The following MAGI1 variants were observed in gnomAD, a reference collection of about 807,000 sequenced individuals.
MAGI1 encodes membrane-associated guanylate kinase, WW and PDZ domain-containing protein 1.
MAGI1 carries 58 observed loss-of-function variants against 139.9 expected under a neutral mutation model. The ratio of observed to expected loss-of-function variants is 0.41; its 90% confidence interval spans 0.34 to 0.52. MAGI1 has a LOEUF of 0.52. MAGI1 is among the 20% of genes least tolerant of loss of function. MAGI1 has a pLI of 0.12. For synonymous variants in MAGI1, 812 were observed against 737.9 expected, an observed-to-expected ratio of 1.10 and a Z score of -1.63; for missense variants, 1,874 against 1,901.6, an observed-to-expected ratio of 0.99 and a Z score of 0.27.
At chr3:65,431,492 C>A (rs150530800) in intron 10 of MAGI1, among the ~76,000 whole-genome samples, 133 of 152,196 alleles carry the variant, frequency 8.7e-4, no homozygotes, top group African/African-American at 3.2e-3. Context: ...TTTATCTGAT[C>A]TTTTATTAAA....
At chr3:65,357,843 A>G (rs1940352823) in intron 22 of MAGI1, among the ~76,000 whole-genome samples, 1 of 152,174 alleles carries the variant, frequency 6.6e-6, no homozygotes. Context: ...CAAATGGGAT[A>G]TGTACGCAAG....
At chr3:65,407,435 A>C (rs1401868159) in intron 12 of MAGI1, among the ~76,000 whole-genome samples, 1 of 146,390 alleles carries the variant, frequency 6.8e-6, no homozygotes, top group Non-Finnish European at 1.5e-5. Context: ...CGACAGAGTG[A>C]GACTCCGTCT....
At chr3:65,912,173 T>C (rs935794634) in intron 1 of MAGI1, among the ~76,000 whole-genome samples, 1 of 150,100 alleles carries the variant, frequency 6.7e-6, no homozygotes. Flanking sequence ...TTGAAAGCTA[T>C]TTAAGTTTAA....
chr3:65,772,557 CA>C, intron 1 of MAGI1, among the ~76,000 whole-genome samples: 1 of 152,294 alleles, frequency 6.6e-6, no homozygotes, highest in Non-Finnish European at 1.5e-5. Context: ...TCCCTGGGAT[CA>C]GCAGCCATAA....
intron 1 of MAGI1, among the ~76,000 whole-genome samples, chr3:65,863,841 C>G (rs2059632829): frequency 2.6e-5 from 4 of 152,002 alleles, no homozygotes; most frequent in Admixed American, 2.6e-4. Context: ...CTTTTCCTAC[C>G]CCAATTCTAC....
intron 1 of MAGI1, among the ~76,000 whole-genome samples, chr3:65,691,316 GAAAAGA>G (rs1341498244): frequency 1.7e-5 from 2 of 116,276 alleles, no homozygotes; most frequent in Non-Finnish European, 3.8e-5. Context: ...AAAAAAAAAA[GAAAAGA>G]AAAAGAAAAA....
At chr3:65,635,507 T>C (rs752300792) in intron 1 of MAGI1, among the ~76,000 whole-genome samples, 9 of 152,180 alleles carry the variant, frequency 5.9e-5, no homozygotes, top group African/African-American at 1.4e-4. Context: ...GCCTACCATA[T>C]GAAGAAACCA....
chr3:65,897,093 C>T (rs1044450111), intron 1 of MAGI1, among the ~76,000 whole-genome samples: 1 of 152,066 alleles, frequency 6.6e-6, no homozygotes, highest in African/African-American at 2.4e-5. Context: ...TAATACAATA[C>T]AAATGTTATG....
chr3:65,454,580 A>T (rs1949268042), intron 5 of MAGI1, among the ~76,000 whole-genome samples: 1 of 148,834 alleles, frequency 6.7e-6, no homozygotes, highest in African/African-American at 2.5e-5. Flanking sequence ...TTTACAAAAA[A>T]AAAAGAAGTT....
At chr3:65,646,217 C>T (rs927186542) in intron 1 of MAGI1, among the ~76,000 whole-genome samples, 3 of 151,604 alleles carry the variant, frequency 2.0e-5, no homozygotes, top group African/African-American at 4.8e-5. Flanking sequence ...AAAAAATATG[C>T]AAACATTAAT....
chr3:65,617,700 CT>C (rs1234580839), intron 2 of MAGI1, among the ~76,000 whole-genome samples: 2 of 152,034 alleles, frequency 1.3e-5, no homozygotes, highest in African/African-American at 4.8e-5. Context: ...TCTGACCTTC[CT>C]TATATTCTGA....
rs1177741501 is a variant in MAGI1 at position 65,589,046 on chromosome 3, TA to T, written c.430+32925del. Among the ~76,000 whole-genome samples the T allele has an allele frequency of 2.0e-5, 3 of 152,284 alleles. No individual in the cohort carries two copies. The South Asian group carries it at 6.2e-4, about 32-fold the overall frequency. Reference sequence around the variant, plus strand: ...ACCATCTAGGAAGTAAAGAGTTTTCTAATGTTGTTAGGTTCAGAGCAGGGAT... The same window carrying T: ...ACCATCTAGGAAGTAAAGAGTTTTCTATGTTGTTAGGTTCAGAGCAGGGAT... On this transcript the variant is annotated intron_variant, in intron 2 of 22. Transcript: ENST00000402939.
chr3:65,562,947 C>A (rs925895952), intron 2 of MAGI1, among the ~76,000 whole-genome samples: 9 of 152,148 alleles, frequency 5.9e-5, no homozygotes, highest in African/African-American at 2.2e-4. Context: ...TAGTATCTTT[C>A]ATGATATAAA....
intron 1 of MAGI1, among the ~76,000 whole-genome samples, chr3:65,987,768 C>A (rs1443096599): frequency 3.3e-5 from 5 of 152,044 alleles, no homozygotes; most frequent in Non-Finnish European, 7.4e-5. Context: ...GGGGTTTCCC[C>A]ACATTGCCCA....
chr3:65,894,731 T>A (rs992665088), intron 1 of MAGI1, among the ~76,000 whole-genome samples: 1 of 152,212 alleles, frequency 6.6e-6, no homozygotes, highest in African/African-American at 2.4e-5. Context: ...ATGAAGCCAA[T>A]GAGCTACAAA....
intron 2 of MAGI1, among the ~76,000 whole-genome samples, chr3:65,506,401 G>A (rs1322645755): frequency 6.6e-6 from 1 of 152,164 alleles, no homozygotes; most frequent in African/African-American, 2.4e-5. Flanking sequence ...GAAGAAGGAA[G>A]ACTATGGATC....
intron 1 of MAGI1, among the ~76,000 whole-genome samples, chr3:65,737,740 T>A (rs2107765527): frequency 6.6e-6 from 1 of 152,294 alleles, no homozygotes; most frequent in South Asian, 2.1e-4. Flanking sequence ...CAATGAAAGA[T>A]TTTAAATGAG....
At chr3:65,878,515 CAA>C (rs35158287) in intron 1 of MAGI1, among the ~76,000 whole-genome samples, 35 of 81,226 alleles carry the variant, frequency 4.3e-4, no homozygotes, top group East Asian at 1.9e-3. Context: ...GACTCAGTCT[CAA>C]AAAAAAAAAA....
chr3:65,835,658 C>T (rs1352198770), intron 1 of MAGI1, among the ~76,000 whole-genome samples: 4 of 152,096 alleles, frequency 2.6e-5, no homozygotes, highest in Admixed American at 2.6e-4. Context: ...CTTTCATTGC[C>T]AGATAATATT....
Sources: allele counts gnomAD v4.1 joint callset (sites outside exome capture counted in the v4.1 genomes callset), GRCh38; gene constraint gnomAD v4.1.1; transcripts MANE v1.5; gene names NCBI Gene and HGNC (gene_info 2026-07-23, HGNC 2026-07-21).